The following NUMB variants were observed in gnomAD, a reference collection of about 807,000 sequenced individuals.
NUMB encodes the protein NUMB endocytic adaptor protein.
NUMB carries 29 observed loss-of-function variants against 59.7 expected under a neutral mutation model. That is an observed-to-expected ratio of 0.49 (90% confidence interval 0.36 to 0.66). The LOEUF (loss-of-function observed/expected upper bound fraction) is 0.66. Among genes scored for constraint, NUMB ranks in the 30% least tolerant of loss-of-function variants. The probability of loss-of-function intolerance (pLI) is 0.00; values close to 1 mark genes in which losing one functional copy is unlikely to be tolerated. For missense variants in NUMB, 723 were observed against 822.0 expected, an observed-to-expected ratio of 0.88 and a Z score of 1.47; for synonymous variants, 288 against 288.2, an observed-to-expected ratio of 1.00 and a Z score of 0.01.
chr14:73,358,421 C>T (rs1352092752), intron 3 of NUMB, among the ~76,000 whole-genome samples: 1 of 152,122 alleles, frequency 6.6e-6, no homozygotes, highest in Non-Finnish European at 1.5e-5. Context: ...CATTCACATG[C>T]TAACCTCCAG....
Position 73,352,530 on chromosome 14 carries a change from GT to G in NUMB, c.126+3095del, listed in dbSNP as rs71112735. Among the ~76,000 whole-genome samples, 166 of 20,284 alleles carry G rather than the reference GT, an allele frequency of 8.2e-3. 21 individuals are homozygous for G. The highest frequency in any genetic ancestry group is 0.058 in the South Asian group (21 of 364). 13.3% of individuals were successfully genotyped at this position (20,284 alleles called of 152,430 possible). A position where few individuals can be genotyped will look rare whatever the true frequency, so the allele number is the denominator to read the frequency against. On this transcript the variant is annotated intron_variant, in intron 4 of 12. Coordinates refer to ENST00000555238, the MANE Select transcript of NUMB (RefSeq NM_001005743.2). ...TATATATATATATATATATATATATGTTTTTTTTTTTTTTTTTTTTTTGAGA... is the reference window on the plus strand; with the variant it reads ...TATATATATATATATATATATATATGTTTTTTTTTTTTTTTTTTTTTGAGA...
intron 5 of NUMB, 111 bp from the exon 6 acceptor site, chr14:73,316,533 G>C: frequency 2.1e-6 from 2 of 972,222 alleles, no homozygotes; most frequent in East Asian, 2.4e-5. Context: ...AGTGGGAGAA[G>C]GGGTGGGAGT....
intron 1 of NUMB, among the ~76,000 whole-genome samples, chr14:73,416,605 C>T (rs1897136799): frequency 6.6e-6 from 1 of 151,954 alleles, no homozygotes. Context: ...CTTTGGGAGG[C>T]CAAGGAGGGA....
At chr14:73,326,854 G>A (rs1033132539) in intron 4 of NUMB, among the ~76,000 whole-genome samples, 1 of 152,116 alleles carries the variant, frequency 6.6e-6, no homozygotes, top group Non-Finnish European at 1.5e-5. Context: ...AGGTATGTTT[G>A]ATCACTTGAT....
At chr14:73,405,435 C>CTTTT (rs56778084) in intron 2 of NUMB, among the ~76,000 whole-genome samples, 5 of 127,428 alleles carry the variant, frequency 3.9e-5, no homozygotes, top group African/African-American at 1.3e-4. Flanking sequence ...TTTTCTTTCT[C>CTTTT]TTTTTTTTTT....
At chr14:73,323,500 GGTGA>G (rs767645675) in intron 4 of NUMB, among the ~76,000 whole-genome samples, 6 of 152,228 alleles carry the variant, frequency 3.9e-5, no homozygotes, top group Admixed American at 6.5e-5. Context: ...AGGTGTTACA[GGTGA>G]GTAAGTGAAG....
At chr14:73,317,164 C>A (rs913286544) in intron 5 of NUMB, among the ~76,000 whole-genome samples, 2 of 152,172 alleles carry the variant, frequency 1.3e-5, no homozygotes, top group African/African-American at 4.8e-5. Context: ...ATTAAGGTTA[C>A]AAGGCTAATG....
At position 73,276,806 on chromosome 14, in the gene NUMB, A is replaced by AAAGAAGGGACTGGTGG. The variant is rs1396809096; in HGVS notation, c.1712_1727dup (p.Lys577HisfsTer6). On this transcript the variant is annotated frameshift_variant, in exon 13 of 13. Transcript: ENST00000555238. LOFTEE classifies it high-confidence loss of function. ...CGTTGAGGTGCTGAGCAGGAGGCTT[A>AAAGAAGGGACTGGTGG]AAGAAGGGACTGGTGGTAGCACTGC... The AAAGAAGGGACTGGTGG allele has an allele frequency of 4.3e-6, 7 of 1,614,050 alleles. No homozygotes were observed. Among genetic ancestry groups the AAAGAAGGGACTGGTGG allele is most frequent in the African/African-American group, 1.3e-5 (1 of 74,926 alleles).
At chr14:73,344,026 T>C (rs1411506355) in intron 4 of NUMB, among the ~76,000 whole-genome samples, 1 of 152,216 alleles carries the variant, frequency 6.6e-6, no homozygotes, top group Non-Finnish European at 1.5e-5. Context: ...TTCTTCTACA[T>C]GAATTGTTCT....
chr14:73,382,171 A>G (rs1895273550), intron 2 of NUMB, among the ~76,000 whole-genome samples: 1 of 152,116 alleles, frequency 6.6e-6, no homozygotes, highest in Admixed American at 6.6e-5. Flanking sequence ...TTTGAGATGG[A>G]GTTTTGCTCT....
intron 4 of NUMB, among the ~76,000 whole-genome samples, chr14:73,355,068 CAAAGA>C (rs993723680): frequency 1.3e-5 from 2 of 152,084 alleles, no homozygotes; most frequent in Non-Finnish European, 2.9e-5. Flanking sequence ...TCAGGCAATA[CAAAGA>C]AAAGCACCTG....
chr14:73,365,125 C>T lies in NUMB; in HGVS notation c.-16+1772G>A, dbSNP rs561282861. 4.6e-5 allele frequency among the ~76,000 whole-genome samples: 7 copies of T among 152,230 alleles called. No individual in the cohort carries two copies. The East Asian group carries it at 1.3e-3, about 29-fold the overall frequency. ...CGTGATCTCGGTTCACTGCAACCTC[C>T]ACCTCCCAGGTTCAAGCAATTCTCG... On this transcript the variant is annotated intron_variant, in intron 3 of 12. Transcript: ENST00000555238.
chr14:73,368,987 C>T (rs1275385027), intron 2 of NUMB, among the ~76,000 whole-genome samples: 1 of 151,928 alleles, frequency 6.6e-6, no homozygotes, highest in Non-Finnish European at 1.5e-5. Context: ...TCTCAGATGT[C>T]ACTAAAATGG....
chr14:73,342,552 G>A (rs1892691998), intron 4 of NUMB, among the ~76,000 whole-genome samples: 2 of 152,118 alleles, frequency 1.3e-5, no homozygotes, highest in South Asian at 2.1e-4. Flanking sequence ...TATCAGTCAG[G>A]TACCAAACAT....
At chr14:73,375,917 C>G (rs1594963982) in intron 2 of NUMB, among the ~76,000 whole-genome samples, 1 of 152,138 alleles carries the variant, frequency 6.6e-6, no homozygotes, top group Non-Finnish European at 1.5e-5. Context: ...CTCAACAAGA[C>G]AAAGCATGTC....
intron 2 of NUMB, among the ~76,000 whole-genome samples, chr14:73,385,662 C>A (rs538439926): frequency 6.6e-6 from 1 of 151,734 alleles, no homozygotes; most frequent in African/African-American, 2.4e-5. Context: ...CCACCACACC[C>A]GGCTAATTTT....
At chr14:73,364,193 A>G (rs1894225451) in intron 3 of NUMB, among the ~76,000 whole-genome samples, 1 of 152,192 alleles carries the variant, frequency 6.6e-6, no homozygotes, top group African/African-American at 2.4e-5. Context: ...TAACCTAGAA[A>G]AAGTTTCTAT....
chr14:73,355,561 AT>A, intron 4 of NUMB, 64 bp downstream of exon 4: 1 of 1,455,382 alleles, frequency 6.9e-7, no homozygotes, highest in Non-Finnish European at 9.2e-7. Flanking sequence ...TATTAATGAG[AT>A]TTCACATACA....
At position 73,365,101 on chromosome 14, in the gene NUMB, G is replaced by A. The variant is rs555943395; in HGVS notation, c.-16+1796C>T. ...GTCACCCAGGCTGGAGTGCAGTGGCGTGATCTCGGTTCACTGCAACCTCCA... is the reference window on the plus strand; with the variant it reads ...GTCACCCAGGCTGGAGTGCAGTGGCATGATCTCGGTTCACTGCAACCTCCA... On this transcript the variant is annotated intron_variant, in intron 3 of 12. Coordinates refer to ENST00000555238, the MANE Select transcript of NUMB (RefSeq NM_001005743.2). Among the ~76,000 whole-genome samples the A allele has an allele frequency of 9.2e-5, 14 of 152,256 alleles. No homozygotes were observed. In the East Asian group the frequency reaches 2.3e-3, roughly 25 times the overall value.
Sources: gnomAD v4.1 joint callset for allele counts (sites outside exome capture counted in the v4.1 genomes callset) on GRCh38, gnomAD v4.1.1 for gene constraint, MANE v1.5 for transcripts, NCBI Gene and HGNC (gene_info 2026-07-23, HGNC 2026-07-21) for gene names.